RNF212B: variants seen among roughly 807,000 people sequenced by gnomAD.
RNF212B encodes the protein E3 ubiquitin-protein ligase RNF212B.
Under a neutral mutation model 55.5 loss-of-function variants are expected in RNF212B, and 52 were observed. That is an observed-to-expected ratio of 0.94 (90% CI 0.75 to 1.18). The LOEUF is 1.18. Among genes scored for constraint, RNF212B ranks in the 50% most tolerant of loss-of-function variants. RNF212B has a pLI of 0.00. For missense variants in RNF212B, 289 were observed against 350.4 expected, an observed-to-expected ratio of 0.82 and a Z score of 1.40; for synonymous variants, 99 against 121.4, an observed-to-expected ratio of 0.82 and a Z score of 1.21.
At chr14:23,272,528 G>A (rs1886183411) in intron 14 of RNF212B, 1 of 387,288 alleles carries the variant, frequency 2.6e-6, no homozygotes, top group Non-Finnish European at 4.7e-6. Context: ...TGCCTCCCTG[G>A]TAGTCATCTC....
intron 2 of RNF212B, among the ~76,000 whole-genome samples, chr14:23,222,557 T>TCAGC (rs1881660209): frequency 3.3e-5 from 5 of 152,106 alleles, no homozygotes; most frequent in Non-Finnish European, 7.4e-5. Context: ...ACCAAACATT[T>TCAGC]AAAGAACTAC....
intron 2 of RNF212B, among the ~76,000 whole-genome samples, chr14:23,208,764 T>TTTTTG (rs1555310782): frequency 1.5e-5 from 2 of 129,696 alleles, no homozygotes; most frequent in Non-Finnish European, 1.6e-5. Flanking sequence ...GCCGTTTTTT[T>TTTTTG]TTTTTTTTTT....
Position 23,197,581 on chromosome 14 carries a change from T to G in RNF212B, c.-2+4180T>G, listed in dbSNP as rs1194269670. On this transcript the variant is annotated intron_variant, in intron 2 of 15. Coordinates refer to the RNF212B transcript ENST00000399910. ...AAAAGTAAATATTAAATAAGCAAAT[T>G]AAAAATTATTTAAAAAAACAAATAT... 2.6e-5 allele frequency among the ~76,000 whole-genome samples: 4 copies of G among 151,912 alleles called. No individual in the cohort carries two copies. In the East Asian group the frequency reaches 7.7e-4, roughly 29 times the overall value.
intron 8 of RNF212B, 38 bp from the exon 9 acceptor site, chr14:23,262,890 G>C: frequency 6.5e-7 from 1 of 1,547,770 alleles, no homozygotes; most frequent in South Asian, 1.2e-5. Context: ...GCATACCATT[G>C]ATGGCAACTT....
chr14:23,238,773 T>TAAAAATA (rs1555316033), intron 1 of RNF212B, among the ~76,000 whole-genome samples: 1 of 146,592 alleles, frequency 6.8e-6, no homozygotes, highest in African/African-American at 2.5e-5. Context: ...ATAATAATAA[T>TAAAAATA]AATAATAATC....
intron 4 of RNF212B, among the ~76,000 whole-genome samples, chr14:23,253,958 A>G (rs1176375810): frequency 6.6e-6 from 1 of 152,142 alleles, no homozygotes; most frequent in Non-Finnish European, 1.5e-5. Context: ...ATAAATCTTC[A>G]ACTAAATACA....
At chr14:23,231,248 CT>C (rs1294213025) in intron 2 of RNF212B, among the ~76,000 whole-genome samples, 5 of 152,198 alleles carry the variant, frequency 3.3e-5, no homozygotes, top group African/African-American at 1.2e-4. Flanking sequence ...ACAAACAAGT[CT>C]TGTGCCTCTC....
intron 2 of RNF212B, among the ~76,000 whole-genome samples, chr14:23,202,599 C>T (rs1879409732): frequency 6.6e-6 from 1 of 152,204 alleles, no homozygotes; most frequent in African/African-American, 2.4e-5. Context: ...CGCCTGTAAT[C>T]CCAGCACTTC....
intron 4 of RNF212B, among the ~76,000 whole-genome samples, chr14:23,254,506 C>T (rs1339287127): frequency 6.6e-6 from 1 of 151,944 alleles, no homozygotes; most frequent in Non-Finnish European, 1.5e-5. Flanking sequence ...TTCTTTAGTA[C>T]AAAAATGATA....
In RNF212B at chr14:23,266,742, CAT is replaced by C. The variant is rs1254816730; in HGVS notation, c.634+2072_634+2073del. Among the ~76,000 whole-genome samples, 7 of 152,266 alleles carry C rather than the reference CAT, an allele frequency of 4.6e-5. No homozygotes were observed. In the East Asian group the frequency reaches 1.4e-3, roughly 29 times the overall value. ...AAATCCTTTTAAATTTATGACCTAA[CAT>C]GTGGTCTATCCTGGAGAATGCTCCA... On this transcript the variant is annotated intron_variant, in intron 11 of 14. Transcript: ENST00000430154.
At chr14:23,240,047 AT>A (rs199663943) in intron 1 of RNF212B, among the ~76,000 whole-genome samples, 217 of 151,152 alleles carry the variant, frequency 1.4e-3, no homozygotes, top group African/African-American at 4.4e-3. Flanking sequence ...AAAAAAAAAA[AT>A]CTCACCACTG....
intron 7 of RNF212B, chr14:23,261,183 G>C: frequency 3.3e-6 from 1 of 306,916 alleles, no homozygotes; most frequent in Non-Finnish European, 6.4e-6. Flanking sequence ...AACAAAGGAA[G>C]GAGGAAGTAA....
At chr14:23,265,243 T>C (rs1271953191) in intron 11 of RNF212B, among the ~76,000 whole-genome samples, 5 of 152,192 alleles carry the variant, frequency 3.3e-5, no homozygotes, top group Non-Finnish European at 7.3e-5. Flanking sequence ...TTCAGTAAAA[T>C]TGACTTGGAT....
At chr14:23,243,903 C>G (rs770841198) in intron 3 of RNF212B, among the ~76,000 whole-genome samples, 6 of 151,716 alleles carry the variant, frequency 4.0e-5, no homozygotes. Flanking sequence ...ATGAGGAAAC[C>G]CTCGTCTCTA....
At chr14:23,272,669 T>A in intron 14 of RNF212B, 154 bp from the exon 15 acceptor site, 1 of 644,602 alleles carries the variant, frequency 1.6e-6, no homozygotes, top group Non-Finnish European at 2.8e-6. Flanking sequence ...AATCCTAGTT[T>A]GGAAAAGTTA....
chr14:23,271,101 G>A (rs1225636211), intron 14 of RNF212B, among the ~76,000 whole-genome samples: 1 of 152,076 alleles, frequency 6.6e-6, no homozygotes, highest in East Asian at 1.9e-4. Context: ...AGCAACAAAA[G>A]GTAAAGGGCA....
chr14:23,229,753 GT>G (rs1427690345), intron 2 of RNF212B, among the ~76,000 whole-genome samples: 1 of 151,988 alleles, frequency 6.6e-6, no homozygotes, highest in Non-Finnish European at 1.5e-5. Context: ...TTGTTGTTGA[GT>G]TGTTCTTTTT....
rs560709055 is a variant in RNF212B at position 23,200,084 on chromosome 14, TTCTC to T, written c.-2+6693_-2+6696del. Among the ~76,000 whole-genome samples, 956 of 152,004 alleles carry T rather than the reference TTCTC, an allele frequency of 6.3e-3. 8 individuals carry two copies. Among genetic ancestry groups the T allele is most frequent in the African/African-American group, 0.022 (898 of 41,486 alleles). On this transcript the variant is annotated intron_variant, in intron 2 of 15. Transcript: ENST00000399910. Reference sequence around the variant, plus strand: ...TGTACTATCGTCTTGAAACATTTTTTTCTCTCTCTCTCTAGTTTCCCATTTTACT... The same window carrying T: ...TGTACTATCGTCTTGAAACATTTTTTTCTCTCTCTAGTTTCCCATTTTACT...
At chr14:23,189,604 A>G (rs1320442732) in intron 1 of RNF212B, among the ~76,000 whole-genome samples, 1 of 151,976 alleles carries the variant, frequency 6.6e-6, no homozygotes, top group Non-Finnish European at 1.5e-5. Context: ...GGAATTTGAG[A>G]CCAGCCTGGG....
Sources: gnomAD v4.1 joint callset for allele counts (sites outside exome capture counted in the v4.1 genomes callset) on GRCh38, gnomAD v4.1.1 for gene constraint, MANE v1.5 for transcripts, NCBI Gene and HGNC (gene_info 2026-07-23, HGNC 2026-07-21) for gene names.